ZNF529: variants seen among roughly 807,000 people sequenced by gnomAD.
The protein encoded by ZNF529 is zinc finger protein 529.
Under a neutral mutation model 10.1 loss-of-function variants are expected in ZNF529, and 11 were observed. The ratio of observed to expected loss-of-function variants is 1.09; its 90% CI spans 0.69 to 1.81. The LOEUF is 1.81. Ranked by LOEUF, ZNF529 falls within the 40% of genes most tolerant of loss-of-function variation. The pLI, the probability that ZNF529 is intolerant of heterozygous loss-of-function variation, is 0.00. For synonymous variants in ZNF529, 204 were observed against 215.7 expected, an observed-to-expected ratio of 0.95 and a Z score of 0.47; for missense variants, 624 against 666.8, an observed-to-expected ratio of 0.94 and a Z score of 0.71.
chr19:36,587,258 C>T (rs1241861838), intron 2 of ZNF529: 2 of 129,788 alleles, frequency 1.5e-5, no homozygotes, highest in Non-Finnish European at 3.3e-5. Context: ...GAGCAAGACT[C>T]CGTCTCAGGA....
chr19:36,562,941 T>C (rs932790988), intron 2 of ZNF529, among the ~76,000 whole-genome samples: 2 of 152,174 alleles, frequency 1.3e-5, no homozygotes, highest in Non-Finnish European at 2.9e-5. Flanking sequence ...CAGACTTCCT[T>C]GTCCTCCCTT....
At chr19:36,575,393 T>C (rs1422116352), upstream of ZNF529, among the ~76,000 whole-genome samples, 1 of 152,186 alleles carries the variant, frequency 6.6e-6, no homozygotes, top group African/African-American at 2.4e-5. Flanking sequence ...ACTCCATATG[T>C]AGCACAGAAG....
At chr19:36,568,409 G>A (rs2035973774) in intron 2 of ZNF529, among the ~76,000 whole-genome samples, 1 of 151,314 alleles carries the variant, frequency 6.6e-6, no homozygotes, top group South Asian at 2.1e-4. Flanking sequence ...TTTGGAACAT[G>A]CTAATCTGTC....
chr19:36,588,660 T>C (rs1290059949), intron 2 of ZNF529, among the ~76,000 whole-genome samples: 1 of 152,056 alleles, frequency 6.6e-6, no homozygotes, highest in Non-Finnish European at 1.5e-5. Context: ...ATGACAAATA[T>C]TAGGGAAATG....
chr19:36,580,654 GAACAA>G (rs2036442618), intron 2 of ZNF529: 1 of 151,988 alleles, frequency 6.6e-6, no homozygotes, highest in African/African-American at 2.4e-5. Flanking sequence ...AAAACTAACA[GAACAA>G]AAGAAATAGA....
At chr19:36,578,059 A>ATTTTTTTTT (rs755942233), upstream of ZNF529, 3 of 89,284 alleles carry the variant, frequency 3.4e-5, no homozygotes, top group East Asian at 3.1e-4. Flanking sequence ...TGTGGGGGAG[A>ATTTTTTTTT]TTTTTTTTTT....
At chr19:36,582,138 G>A (rs1218803976) in intron 2 of ZNF529, 1 of 152,086 alleles carries the variant, frequency 6.6e-6, no homozygotes, top group East Asian at 1.9e-4. Flanking sequence ...TAGGTTTCTT[G>A]TCGTGGTTGC....
Position 36,573,232 on chromosome 19 carries a change from G to C in ZNF529, c.-139C>G. The C allele has an allele frequency of 3.2e-6, 1 of 316,400 alleles. No homozygotes were observed. Among genetic ancestry groups the C allele is most frequent in the South Asian group, 2.4e-5 (1 of 41,484 alleles). 19.6% of individuals were successfully genotyped at this position (316,400 alleles called of 1,614,324 possible). A position where few individuals can be genotyped will look rare whatever the true frequency, so the allele number is the denominator to read the frequency against. On this transcript the variant is annotated 5_prime_UTR_variant, in exon 1 of 5. Coordinates refer to ENST00000591340, the MANE Select transcript of ZNF529 (RefSeq NM_020951.5). Reference sequence around the variant, plus strand: ...CGGCAGCGCGGGGCCACCTCACCGCGAGCTCCTCCCGCAGCCCGGCCCGGG... The same window carrying C: ...CGGCAGCGCGGGGCCACCTCACCGCCAGCTCCTCCCGCAGCCCGGCCCGGG...
At chr19:36,584,955 C>A (rs1324651707) in intron 2 of ZNF529, among the ~76,000 whole-genome samples, 4 of 152,014 alleles carry the variant, frequency 2.6e-5, no homozygotes, top group Non-Finnish European at 1.5e-5. Context: ...CTTAATTGAT[C>A]TCATAGAAGT....
At position 36,589,983 on chromosome 19, in the gene ZNF529, A is replaced by G. The variant is rs546738580; in HGVS notation, c.-127-282T>C. 3.8e-4 allele frequency among the ~76,000 whole-genome samples: 58 copies of G among 152,360 alleles called. No homozygotes were observed. The Middle Eastern group carries it at 0.01, about 27-fold the overall frequency. ...GAAAACCCACAAATGTTTGGAAATT[A>G]AACACACTTCTATATAATCCATAGG... On this transcript the variant is annotated intron_variant, in intron 1 of 4. Transcript: ENST00000585960.
At chr19:36,554,624 T>C (rs2035392014) in intron 4 of ZNF529, 46 bp downstream of exon 4, 2 of 1,406,742 alleles carry the variant, frequency 1.4e-6, no homozygotes, top group Non-Finnish European at 1.9e-6. Flanking sequence ...TATCAGTTGA[T>C]AGTCTAGAGA....
chr19:36,547,812 T>A lies in ZNF529; in HGVS notation c.746A>T (p.His249Leu), dbSNP rs761804402. Residue 249 changes from histidine to leucine, a missense_variant, in exon 5 of 5, where the codon CAT becomes CTT. Transcript: ENST00000591340. ...YKDFNVYQKI[H>L]NEKFYKCKEY... is the part of the protein sequence containing the mutation. Reference sequence around the variant, plus strand: ...CTTACATTTATAGAACTTCTCATTATGAATTTTCTGGTATACATTAAAGTC... The same window carrying A: ...CTTACATTTATAGAACTTCTCATTAAGAATTTTCTGGTATACATTAAAGTC... 3 of 1,609,350 alleles carry A rather than the reference T, an allele frequency of 1.9e-6. No individual in the cohort carries two copies. The highest frequency in any genetic ancestry group is 2.5e-6 in the Non-Finnish European group (3 of 1,178,214).
intron 2 of ZNF529, chr19:36,582,748 G>A (rs3096621): frequency 0.34 from 50,568 of 147,970 alleles, 9,168 homozygotes; most frequent in African/African-American, 0.48. Flanking sequence ...AATCAATTAA[G>A]TAGAAATAGA....
At chr19:36,597,995 T>C (rs2036866419) in intron 1 of ZNF529, among the ~76,000 whole-genome samples, 1 of 152,126 alleles carries the variant, frequency 6.6e-6, no homozygotes, top group Admixed American at 6.6e-5. Context: ...CAAAAGCCCA[T>C]GCCACATTCC....
chr19:36,584,723 C>T (rs2036541912), intron 2 of ZNF529, among the ~76,000 whole-genome samples: 1 of 151,470 alleles, frequency 6.6e-6, no homozygotes, highest in South Asian at 2.1e-4. Flanking sequence ...ACCGAGATTG[C>T]CCCACTGCAC....
chr19:36,590,595 T>C (rs2036683794), intron 1 of ZNF529, among the ~76,000 whole-genome samples: 1 of 151,950 alleles, frequency 6.6e-6, no homozygotes, highest in African/African-American at 2.4e-5. Flanking sequence ...AATATATAAT[T>C]AGCCAAACTA....
intron 1 of ZNF529, chr19:36,594,714 G>A (rs1481515056): frequency 6.6e-6 from 1 of 152,162 alleles, no homozygotes; most frequent in Non-Finnish European, 1.5e-5. Flanking sequence ...TCTAAGCCAT[G>A]AAGTTTTGGG....
chr19:36,546,871 C>T lies in ZNF529; in HGVS notation c.1687G>A (p.Asp563Asn). ...PKIYTGEKSF[D>N] The stretch of plus-strand genomic sequence containing the variant: ...AACCACTTTATACATTTATTTCAGT[C>T]AAATGATTTCTCACCAGTGTAAATT... The change falls in exon 5 of 5, where the codon GAC becomes AAC. Residue 563 changes from aspartate (D) to asparagine (N), a missense_variant. Transcript: ENST00000591340. The T allele has an allele frequency of 6.2e-7, 1 of 1,604,410 alleles. No homozygotes were observed. Among genetic ancestry groups the T allele is most frequent in the Non-Finnish European group, 8.5e-7 (1 of 1,175,136 alleles).
Position 36,545,805 on chromosome 19 carries a change from T to TTTAA in ZNF529, c.*1057_*1060dup, listed in dbSNP as rs1208502599. On this transcript the variant is annotated 3_prime_UTR_variant, in exon 5 of 5. Transcript: ENST00000591340. The stretch of plus-strand genomic sequence containing the variant: ...GTTCAGTGGTCATTTTTTCTCCCCT[T>TTTAA]TTAAAGGTGTTTGACAAATTTTAGA... The TTTAA allele has an allele frequency of 6.6e-6, 1 of 152,060 alleles. No homozygotes were observed. The highest frequency in any genetic ancestry group is 1.5e-5 in the Non-Finnish European group (1 of 68,000). The allele number at this position is 152,060 out of a possible 1,614,324, so 9.4% of individuals were successfully genotyped here.
Sources: gnomAD v4.1 joint callset for allele counts (sites outside exome capture counted in the v4.1 genomes callset) on GRCh38, gnomAD v4.1.1 for gene constraint, MANE v1.5 for transcripts, NCBI Gene and HGNC (gene_info 2026-07-23, HGNC 2026-07-21) for gene names.